TYR: variants seen among roughly 807,000 people sequenced by gnomAD.
The protein encoded by TYR is tyrosinase, also known as LB24-AB.
A neutral mutation model predicts 51.5 loss-of-function variants in TYR; 58 were observed. The ratio of observed to expected loss-of-function variants is 1.13; its 90% CI spans 0.91 to 1.40. The LOEUF (loss-of-function observed/expected upper bound fraction) is 1.40, where lower values mean the gene tolerates loss of function less well. Ranked by LOEUF, TYR falls within the 40% of genes most tolerant of loss-of-function variation. The pLI is 0.00. For synonymous variants in TYR, 263 were observed against 235.2 expected (o/e 1.12, Z -1.08); for missense variants, 732 against 647.4 (o/e 1.13, Z -1.42).
intron 2 of TYR, among the ~76,000 whole-genome samples, chr11:89,210,885 T>C (rs1002633729): frequency 1.3e-5 from 2 of 152,262 alleles, no homozygotes. Flanking sequence ...GAAGGAGAAA[T>C]AAAATCCTTT....
chr11:89,198,754 C>CCTATAT (rs1943556835), intron 2 of TYR, among the ~76,000 whole-genome samples: 1 of 146,362 alleles, frequency 6.8e-6, no homozygotes. Flanking sequence ...ACTTTTTTCT[C>CCTATAT]ATATATATAT....
intron 3 of TYR, among the ~76,000 whole-genome samples, chr11:89,258,634 G>A (rs1026297405): frequency 2.0e-5 from 3 of 152,050 alleles, no homozygotes; most frequent in Admixed American, 6.6e-5. Context: ...AAACAGATAT[G>A]ATAAGTGGAC....
intron 2 of TYR, among the ~76,000 whole-genome samples, chr11:89,196,948 T>C (rs1229844938): frequency 6.6e-6 from 1 of 152,218 alleles, no homozygotes; most frequent in African/African-American, 2.4e-5. Context: ...CTTATCTTAC[T>C]GAAAAGCTCA....
chr11:89,190,544 CAA>C (rs1943429152), intron 1 of TYR, among the ~76,000 whole-genome samples: 1 of 151,742 alleles, frequency 6.6e-6, no homozygotes, highest in African/African-American at 2.4e-5. Context: ...TCAAAAGACT[CAA>C]AAAGTTTTAA....
intron 3 of TYR, among the ~76,000 whole-genome samples, chr11:89,258,855 C>T (rs1944425093): frequency 6.6e-6 from 1 of 151,996 alleles, no homozygotes; most frequent in Non-Finnish European, 1.5e-5. Context: ...AACACCATTC[C>T]TTCAGAGCAG....
At position 89,244,913 on chromosome 11, in the gene TYR, C is replaced by T. The variant is rs575120246; in HGVS notation, c.1184+16943C>T. On this transcript the variant is annotated intron_variant, in intron 3 of 4. Coordinates refer to ENST00000263321, the MANE Select transcript of TYR (RefSeq NM_000372.5). The stretch of plus-strand genomic sequence containing the variant: ...AACAACTAAGTAATGTAAAGCAAAA[C>T]GTAACTCTGCAGTAATAGTGGCTCA... Among the ~76,000 whole-genome samples the T allele has an allele frequency of 5.9e-5, 9 of 152,244 alleles. 1 individual carries two copies. The South Asian group carries it at 1.7e-3, about 28-fold the overall frequency.
chr11:89,236,561 A>T (rs1356016450), intron 3 of TYR, among the ~76,000 whole-genome samples: 1 of 152,204 alleles, frequency 6.6e-6, no homozygotes, highest in Non-Finnish European at 1.5e-5. Flanking sequence ...TGATGATTCA[A>T]TTATCATTAT....
At chr11:89,247,193 C>T (rs561966651) in intron 3 of TYR, among the ~76,000 whole-genome samples, 1 of 152,306 alleles carries the variant, frequency 6.6e-6, no homozygotes, top group East Asian at 1.9e-4. Context: ...GCTTGTTAGA[C>T]TGATTCATGG....
chr11:89,187,775 A>C (rs1201714109), intron 1 of TYR, among the ~76,000 whole-genome samples: 1 of 152,082 alleles, frequency 6.6e-6, no homozygotes, highest in Non-Finnish European at 1.5e-5. Context: ...ATTTCAAACC[A>C]AAGTTTTCAA....
intron 1 of TYR, among the ~76,000 whole-genome samples, chr11:89,187,789 T>C (rs950090225): frequency 6.6e-6 from 1 of 152,074 alleles, no homozygotes; most frequent in Non-Finnish European, 1.5e-5. Context: ...TTTTCAAATG[T>C]CTTTGTGTCA....
At chr11:89,205,043 A>T (rs561670065) in intron 2 of TYR, among the ~76,000 whole-genome samples, 2 of 152,290 alleles carry the variant, frequency 1.3e-5, no homozygotes, top group African/African-American at 4.8e-5. Flanking sequence ...TGAAAAAAAT[A>T]GAATGACTTC....
Position 89,178,270 on chromosome 11 carries a change from G to C in TYR, c.317G>C (p.Gly106Ala), listed in dbSNP as rs764905692. The C allele has an allele frequency of 1.2e-6, 2 of 1,614,070 alleles. No individual in the cohort carries two copies. The highest frequency in any genetic ancestry group is 1.7e-6 in the Non-Finnish European group (2 of 1,180,042). Residue 106 changes from glycine to alanine, a missense_variant, in exon 1 of 5, where the codon GGC becomes GCC. By Grantham distance (60) the Gly-to-Ala change is moderately conservative (BLOSUM62 0). Coordinates refer to ENST00000263321, the MANE Select transcript of TYR (RefSeq NM_000372.5). ...TTCAACTGTGGAAACTGCAAGTTTG[G>C]CTTTTGGGGACCAAACTGCACAGAG... Reference protein sequence around the residue: ...MGFNCGNCKFGFWGPNCTERR... With the variant: ...MGFNCGNCKFAFWGPNCTERR...
intron 4 of TYR, among the ~76,000 whole-genome samples, chr11:89,290,853 G>A (rs938001614): frequency 6.6e-6 from 1 of 151,844 alleles, no homozygotes; most frequent in Non-Finnish European, 1.5e-5. Context: ...TTCTGTGTAT[G>A]TTCTACATAT....
chr11:89,290,216 G>T (rs530728761), intron 4 of TYR, among the ~76,000 whole-genome samples: 1 of 151,990 alleles, frequency 6.6e-6, no homozygotes, highest in African/African-American at 2.4e-5. Flanking sequence ...GAACAAAAAG[G>T]TGCACTATTG....
At chr11:89,194,468 T>A (rs1943489721) in intron 2 of TYR, among the ~76,000 whole-genome samples, 1 of 152,000 alleles carries the variant, frequency 6.6e-6, no homozygotes, top group African/African-American at 2.4e-5. Context: ...CTTCCCCTTG[T>A]TTAATAAACT....
chr11:89,218,209 A>T (rs377609740), intron 2 of TYR, among the ~76,000 whole-genome samples: 23 of 152,324 alleles, frequency 1.5e-4, no homozygotes, highest in African/African-American at 5.3e-4. Flanking sequence ...ACATTATAGG[A>T]ATCTTCAAAA....
At chr11:89,272,840 G>A (rs906160690) in intron 3 of TYR, among the ~76,000 whole-genome samples, 2 of 151,720 alleles carry the variant, frequency 1.3e-5, no homozygotes, top group African/African-American at 4.8e-5. Flanking sequence ...TATGAAGATG[G>A]GCTCTTTTCT....
At chr11:89,243,795 T>C (rs12788260) in intron 3 of TYR, among the ~76,000 whole-genome samples, 5,525 of 152,220 alleles carry the variant, frequency 0.036, 172 homozygotes, top group African/African-American at 0.084. Flanking sequence ...AACTCTTGCA[T>C]ACAATGGAAA....
chr11:89,245,687 C>A (rs1239438295), intron 3 of TYR, among the ~76,000 whole-genome samples: 3 of 152,102 alleles, frequency 2.0e-5, no homozygotes, highest in African/African-American at 7.2e-5. Flanking sequence ...CTTTGGGAGG[C>A]CAAGGCGGGC....
Sources: allele counts gnomAD v4.1 joint callset (sites outside exome capture counted in the v4.1 genomes callset), GRCh38; gene constraint gnomAD v4.1.1; transcripts MANE v1.5; gene names NCBI Gene and HGNC (gene_info 2026-07-23, HGNC 2026-07-21).